Variants in WARS2 observed in about 807,000 individuals in gnomAD.
WARS2 encodes the protein tryptophanyl tRNA synthetase 2, mitochondrial.
In WARS2, 28 loss-of-function variants were observed where a neutral mutation model predicts 36.5. The ratio of observed to expected loss-of-function variants is 0.77; its 90% CI spans 0.57 to 1.05. The LOEUF (loss-of-function observed/expected upper bound fraction) is 1.05, where lower values mean the gene tolerates loss of function less well. Among genes scored for constraint, WARS2 ranks in the 50% least tolerant of loss-of-function variants. The probability of loss-of-function intolerance (pLI) is 0.00; values close to 1 mark genes in which losing one functional copy is unlikely to be tolerated. For missense variants in WARS2, 435 were observed against 456.8 expected, an observed-to-expected ratio of 0.95 and a Z score of 0.44; for synonymous variants, 174 against 178.4, an observed-to-expected ratio of 0.98 and a Z score of 0.20.
At chr1:119,114,316 G>A (rs909350694) in intron 1 of WARS2, among the ~76,000 whole-genome samples, 2 of 152,202 alleles carry the variant, frequency 1.3e-5, no homozygotes, top group Non-Finnish European at 2.9e-5. Flanking sequence ...TGGAAGCTAT[G>A]AGTATGTGTA....
At chr1:119,054,161 TTAAA>T (rs1346385560) in intron 2 of WARS2, among the ~76,000 whole-genome samples, 3 of 151,194 alleles carry the variant, frequency 2.0e-5, no homozygotes, top group Non-Finnish European at 4.4e-5. Flanking sequence ...ATAAAACATT[TTAAA>T]TAAAGGACTC....
intron 1 of WARS2, among the ~76,000 whole-genome samples, chr1:119,138,620 A>G (rs1048785914): frequency 6.6e-6 from 1 of 152,194 alleles, no homozygotes; most frequent in African/African-American, 2.4e-5. Flanking sequence ...ATAAACACTT[A>G]TATATAAACA....
rs1211492870 is a variant in WARS2 at position 119,058,801 on chromosome 1, T to C, written c.349-13139A>G. Among the ~76,000 whole-genome samples, 10 of 141,260 alleles carry C rather than the reference T, an allele frequency of 7.1e-5. 1 individual carries two copies. Among genetic ancestry groups the C allele is most frequent in the African/African-American group, 2.3e-4 (8 of 34,528 alleles). The allele number at this position is 141,260 out of a possible 152,430, so 92.7% of individuals were successfully genotyped here. ...CATGTGTCTTTATAGCAGCATGATTTATAGTCTTTTGGGTATATACCCAGT... is the reference window on the plus strand; with the variant it reads ...CATGTGTCTTTATAGCAGCATGATTCATAGTCTTTTGGGTATATACCCAGT... On this transcript the variant is annotated intron_variant, in intron 2 of 5. Coordinates refer to ENST00000235521, the MANE Select transcript of WARS2 (RefSeq NM_015836.4).
In WARS2 at chr1:119,090,405, T is replaced by C. The variant is rs1207103741; in HGVS notation, c.91-13798A>G. On this transcript the variant is annotated intron_variant, in intron 1 of 5. Transcript: ENST00000235521. ...AATGGGAGGAATGACAGTACTCCCC[T>C]GAAGGTTCTATATAGACATTTGTTA... Among the ~76,000 whole-genome samples the C allele has an allele frequency of 2.0e-5, 3 of 152,254 alleles. No homozygotes were observed. In the East Asian group the frequency reaches 5.8e-4, roughly 29 times the overall value.
At chr1:119,125,089 T>G (rs1655562672) in intron 1 of WARS2, among the ~76,000 whole-genome samples, 1 of 152,188 alleles carries the variant, frequency 6.6e-6, no homozygotes, top group South Asian at 2.1e-4. Context: ...ACATAGTAAG[T>G]GCTATATAGT....
chr1:119,035,214 A>T (rs2247883), intron 4 of WARS2, among the ~76,000 whole-genome samples: 70,640 of 151,930 alleles, frequency 0.46, 16,705 homozygotes, highest in East Asian at 0.58. Flanking sequence ...TACTGAAGCA[A>T]TATGGCGGGA....
At chr1:119,042,571 T>C (rs904860760) in intron 3 of WARS2, among the ~76,000 whole-genome samples, 4 of 152,156 alleles carry the variant, frequency 2.6e-5, no homozygotes, top group African/African-American at 9.7e-5. Context: ...ATTTCATCAC[T>C]GCCCCTTTAA....
At chr1:119,051,396 A>G (rs1649338134) in intron 2 of WARS2, among the ~76,000 whole-genome samples, 1 of 152,222 alleles carries the variant, frequency 6.6e-6, no homozygotes, top group Admixed American at 6.5e-5. Context: ...ACAGTAATCC[A>G]TGGTAAAATG....
At chr1:119,120,689 G>A (rs887463444) in intron 1 of WARS2, among the ~76,000 whole-genome samples, 5 of 151,832 alleles carry the variant, frequency 3.3e-5, no homozygotes, top group Non-Finnish European at 5.9e-5. Context: ...AAAGATAATC[G>A]ACCATGATCA....
intron 1 of WARS2, chr1:119,082,593 C>G (rs1484256403): frequency 3.3e-6 from 1 of 304,172 alleles, no homozygotes; most frequent in African/African-American, 2.3e-5. Context: ...TTCCATCACA[C>G]TGAACTGAAT....
intron 1 of WARS2, chr1:119,139,617 T>G (rs1656791234): frequency 6.6e-6 from 1 of 152,178 alleles, no homozygotes; most frequent in Admixed American, 6.5e-5. Flanking sequence ...TCTAGCGCTG[T>G]TTTCAACACA....
intron 1 of WARS2, among the ~76,000 whole-genome samples, chr1:119,131,465 GTT>G (rs1196649477): frequency 7.4e-6 from 1 of 135,312 alleles, no homozygotes. Context: ...TTTGTTTTTT[GTT>G]TTTTTTTTTT....
intron 1 of WARS2, among the ~76,000 whole-genome samples, chr1:119,107,665 AAAAGAAAGAG>A (rs1465725835): frequency 1.1e-5 from 1 of 92,924 alleles, no homozygotes; most frequent in African/African-American, 4.8e-5. Context: ...GAGAAATAGA[AAAAGAAAGAG>A]AGAGAGAGAG....
chr1:119,140,404 C>G (rs1373362626), intron 1 of WARS2, 151 bp downstream of exon 1: 4 of 595,290 alleles, frequency 6.7e-6, no homozygotes, highest in Non-Finnish European at 1.1e-5. Flanking sequence ...ACGCTCTGAG[C>G]AGGCCGACAG....
At chr1:119,033,959 A>T in intron 5 of WARS2, 136 bp downstream of exon 5, 1 of 626,914 alleles carries the variant, frequency 1.6e-6, no homozygotes, top group Non-Finnish European at 2.7e-6. Context: ...GAAAACAATG[A>T]GGACTCTAGT....
chr1:119,085,467 T>C, intron 1 of WARS2: 1 of 1,521,884 alleles, frequency 6.6e-7, no homozygotes, highest in Non-Finnish European at 8.8e-7. Context: ...TTTTTTTCCT[T>C]TTTGTCTTTT....
At chr1:119,084,582 G>A (rs893289155) in intron 1 of WARS2, among the ~76,000 whole-genome samples, 1 of 152,108 alleles carries the variant, frequency 6.6e-6, no homozygotes, top group Non-Finnish European at 1.5e-5. Flanking sequence ...CATGGAGCTG[G>A]TTGATCTTAA....
chr1:119,084,971 C>T, intron 1 of WARS2: 1 of 456,448 alleles, frequency 2.2e-6, no homozygotes, highest in Non-Finnish European at 4.0e-6. Context: ...TAATTATTTC[C>T]AAATCTACCG....
intron 1 of WARS2, among the ~76,000 whole-genome samples, chr1:119,112,395 C>T (rs908505905): frequency 2.0e-5 from 3 of 152,080 alleles, no homozygotes; most frequent in Admixed American, 6.6e-5. Flanking sequence ...AATATCAGAG[C>T]AGTTTTTATG....
Sources: allele counts gnomAD v4.1 joint callset (sites outside exome capture counted in the v4.1 genomes callset), GRCh38; gene constraint gnomAD v4.1.1; transcripts MANE v1.5; gene names NCBI Gene and HGNC (gene_info 2026-07-23, HGNC 2026-07-21).